Variants in PCLO observed in about 807,000 individuals in gnomAD.
PCLO encodes the protein piccolo presynaptic cytomatrix protein.
In PCLO, 82 loss-of-function variants were observed where a neutral mutation model predicts 427.5. The observed-to-expected ratio is 0.19, with a 90% confidence interval of 0.16 to 0.23. PCLO has a LOEUF of 0.23. Ranked by LOEUF, PCLO falls within the 10% of genes least tolerant of loss-of-function variation. The probability of loss-of-function intolerance (pLI) is 1.00; values close to 1 mark genes in which losing one functional copy is unlikely to be tolerated. For missense variants in PCLO, 6,239 were observed against 6,115.9 expected (o/e 1.02, Z -0.67); for synonymous variants, 2,357 against 2,155.4 (o/e 1.09, Z -2.59).
At position 82,952,791 on chromosome 7, in the gene PCLO, A is replaced by G; in HGVS notation, c.8162T>C (p.Leu2721Ser). ...EKPQYKEDGK[L>S]QLVGDVIDLR... ...ATCAATTACATCACCAACAAGTTGCAATTTTCCATCTTCTTTATACTGAGG... is the reference window on the plus strand; with the variant it reads ...ATCAATTACATCACCAACAAGTTGCGATTTTCCATCTTCTTTATACTGAGG... The change falls in exon 5 of 25, where the codon TTG becomes TCG. Residue 2721 changes from leucine (L) to serine (S), a missense_variant. Around this residue, in one of 5 missense-constraint regions of PCLO, gnomAD observed 4,677 missense variants for 4,468.4 expected, o/e 1.05. Transcript: ENST00000333891. 1.2e-6 allele frequency: 2 copies of G among 1,613,640 alleles called. No homozygotes were observed. Among genetic ancestry groups the G allele is most frequent in the South Asian group, 1.1e-5 (1 of 91,074 alleles).
chr7:82,861,771 C>T (rs1474959091), intron 10 of PCLO, among the ~76,000 whole-genome samples: 2 of 151,858 alleles, frequency 1.3e-5, no homozygotes, highest in African/African-American at 4.8e-5. Context: ...TGGAAATCAC[C>T]AAGTATTTTC....
chr7:83,135,837 T>G (rs1445780043), intron 2 of PCLO, among the ~76,000 whole-genome samples, 181 bp from the exon 3 acceptor site: 1 of 152,160 alleles, frequency 6.6e-6, no homozygotes, highest in Non-Finnish European at 1.5e-5. Context: ...TGGTGGCTCA[T>G]GCCTGTAATC....
intron 10 of PCLO, among the ~76,000 whole-genome samples, chr7:82,874,415 G>A (rs1793319027): frequency 1.3e-5 from 2 of 152,138 alleles, no homozygotes; most frequent in Admixed American, 1.3e-4. Flanking sequence ...GAGCCACTGT[G>A]ACGGGCCTGA....
chr7:82,864,792 C>T (rs746918291), intron 10 of PCLO, among the ~76,000 whole-genome samples: 48 of 151,522 alleles, frequency 3.2e-4, no homozygotes, highest in Non-Finnish European at 6.5e-4. Context: ...ACTGGAAGCC[C>T]GGAGAATGGT....
At position 82,953,590 on chromosome 7, in the gene PCLO, G is replaced by T. The variant is rs2116441172; in HGVS notation, c.7363C>A (p.Leu2455Met). The part of the protein sequence containing the change: ...VASPVTTATP[L>M]FDAVTTLETT... ...TCTAGAGTAGTAACAGCATCAAACA[G>T]AGGTGTAGCTGTAGTCACTGGAGAT... Residue 2455 changes from leucine (L) to methionine (M), a missense_variant, in exon 5 of 25, where the codon CTG (leucine) becomes ATG (methionine). By Grantham distance (15) the Leu-to-Met change is conservative. Around this residue, in one of 5 missense-constraint regions of PCLO, gnomAD observed 4,677 missense variants for 4,468.4 expected, o/e 1.05. Transcript: ENST00000333891. 1 of 1,612,608 alleles carries T rather than the reference G, an allele frequency of 6.2e-7. No individual in the cohort carries two copies. The highest frequency in any genetic ancestry group is 2.2e-5 in the East Asian group (1 of 44,788).
intron 9 of PCLO, among the ~76,000 whole-genome samples, chr7:82,887,200 G>A (rs1447556674): frequency 6.6e-6 from 1 of 152,078 alleles, no homozygotes; most frequent in African/African-American, 2.4e-5. Flanking sequence ...TGCTAAGGAG[G>A]GTTAGAAACT....
chr7:83,101,169 T>C (rs1790728320), intron 3 of PCLO, among the ~76,000 whole-genome samples: 1 of 151,854 alleles, frequency 6.6e-6, no homozygotes, highest in Non-Finnish European at 1.5e-5. Flanking sequence ...GCATTATTTC[T>C]ATACCACAAA....
At chr7:82,951,730 C>T in intron 5 of PCLO, 126 bp downstream of exon 5, 1 of 1,367,800 alleles carries the variant, frequency 7.3e-7, no homozygotes, top group East Asian at 2.4e-5. Flanking sequence ...AAATATGCTG[C>T]TATAACATCC....
chr7:83,023,400 T>A (rs966052184), intron 3 of PCLO, among the ~76,000 whole-genome samples: 2 of 152,180 alleles, frequency 1.3e-5, no homozygotes, highest in African/African-American at 4.8e-5. Flanking sequence ...ATGTTTAGAA[T>A]TCAATAATGT....
chr7:83,068,802 T>C (rs1241901332), intron 3 of PCLO, among the ~76,000 whole-genome samples: 6 of 152,264 alleles, frequency 3.9e-5, no homozygotes, highest in African/African-American at 1.4e-4. Context: ...GAAACCTGTA[T>C]TTTGAAGAGA....
chr7:83,054,962 T>A (rs1407239537), intron 3 of PCLO, among the ~76,000 whole-genome samples: 1 of 152,068 alleles, frequency 6.6e-6, no homozygotes, highest in Non-Finnish European at 1.5e-5. Flanking sequence ...ATTTTAAACA[T>A]CAGGTATCTT....
chr7:82,952,189 T>C lies in PCLO; in HGVS notation c.8764A>G (p.Lys2922Glu). The C allele has an allele frequency of 6.2e-7, 1 of 1,613,756 alleles. No homozygotes were observed. Among genetic ancestry groups the C allele is most frequent in the Middle Eastern group, 1.6e-4 (1 of 6,062 alleles). Reference sequence around the variant, plus strand: ...ACGGGTTTTTCATCTTCTATTATTTTGGTCATCACACTTGAAGTAGACTCA... The same window carrying C: ...ACGGGTTTTTCATCTTCTATTATTTCGGTCATCACACTTGAAGTAGACTCA... ...MDESTSSVMT[K>E]IIEDEKPVDL... Residue 2922 changes from lysine (K) to glutamate (E), a missense_variant, in exon 5 of 25, where the codon AAA (lysine) becomes GAA (glutamate). By Grantham distance (56) the Lys-to-Glu change is moderately conservative. Transcript: ENST00000333891.
chr7:83,155,791 T>C lies in PCLO; in HGVS notation c.850A>G (p.Lys284Glu). The C allele has an allele frequency of 3.7e-6, 6 of 1,613,944 alleles. No individual in the cohort carries two copies. The South Asian group carries it at 6.6e-5, about 18-fold the overall frequency. Residue 284 changes from lysine (K) to glutamate (E), a missense_variant, in exon 2 of 25, where the codon AAA becomes GAA. By Grantham distance (56) the Lys-to-Glu change is moderately conservative (BLOSUM62 1). Coordinates refer to ENST00000333891, the MANE Select transcript of PCLO (RefSeq NM_033026.6). ...TCTCCCCTTACTATGTCTGCCTGTT[T>C]AGTCTGAGGCCTGGATGCATCTCGT... ...LQRDASRPQT[K>E]QADIVRGESV...
chr7:82,836,393 T>TTTG (rs1246914817), intron 15 of PCLO, among the ~76,000 whole-genome samples: 2 of 152,246 alleles, frequency 1.3e-5, no homozygotes, highest in East Asian at 3.9e-4. Context: ...AAGTTATCAG[T>TTTG]TTGTTGTTGT....
chr7:83,011,407 T>C (rs984543140), intron 3 of PCLO, among the ~76,000 whole-genome samples: 2 of 152,212 alleles, frequency 1.3e-5, no homozygotes, highest in African/African-American at 2.4e-5. Context: ...TGTTGCATAT[T>C]TGTTGAACAC....
At position 82,760,750 on chromosome 7, in the gene PCLO, A is replaced by G; in HGVS notation, c.15177T>C (p.Ser5059=). 1 of 1,510,042 alleles carries G rather than the reference A, an allele frequency of 6.6e-7. No homozygotes were observed. Among genetic ancestry groups the G allele is most frequent in the South Asian group, 1.2e-5 (1 of 86,932 alleles). 93.5% of individuals were successfully genotyped at this position (1,510,042 alleles called of 1,614,324 possible). A position where few individuals can be genotyped will look rare whatever the true frequency, so the allele number is the denominator to read the frequency against. The change falls in exon 24 of 25, where the codon TCT becomes TCC. Residue 5059 remains serine (S), a synonymous_variant. Coordinates refer to ENST00000333891, the MANE Select transcript of PCLO (RefSeq NM_033026.6). ...LYVKIYVMNI[S]TQKKVIKKKT... ...TTTTCTTGATCACCTTTTTTTGGGT[A>G]GAAATATTCATCACATATATTTTCA...
chr7:83,108,980 T>C (rs1393247616), intron 3 of PCLO, among the ~76,000 whole-genome samples: 5 of 150,326 alleles, frequency 3.3e-5, no homozygotes, highest in Non-Finnish European at 5.9e-5. Flanking sequence ...AAAGCTGAAA[T>C]TGCTTTTGCA....
At chr7:83,140,214 C>T (rs536256903) in intron 2 of PCLO, among the ~76,000 whole-genome samples, 16 of 152,242 alleles carry the variant, frequency 1.1e-4, no homozygotes, top group Non-Finnish European at 1.8e-4. Flanking sequence ...GTCTGGATTG[C>T]TTGTGAAATG....
Position 82,953,447 on chromosome 7 carries a change from C to G in PCLO, c.7506G>C (p.Arg2502Ser). ...CGATTGGAGGTTTGCTTGGCTCAGG[C>G]CTGTGGGTAAATACAAGTCCAGATG... ...SIPSGLVFTH[R>S]PEPSKPPIAP... is the part of the protein sequence containing the mutation. The change falls in exon 5 of 25, where the codon AGG becomes AGC. Residue 2502 changes from arginine to serine, a missense_variant. By Grantham distance (110) the Arg-to-Ser change is moderately radical. This residue lies in a region of PCLO where 4,677 missense variants were observed against 4,468.4 expected (regional missense o/e 1.05). Transcript: ENST00000333891. 6.2e-7 allele frequency: 1 copy of G among 1,613,062 alleles called. No homozygotes were observed. Among genetic ancestry groups the G allele is most frequent in the Non-Finnish European group, 8.5e-7 (1 of 1,179,732 alleles).
Sources: gnomAD v4.1 joint callset for allele counts (sites outside exome capture counted in the v4.1 genomes callset) on GRCh38, gnomAD v4.1.1 for gene constraint, gnomAD v4.1.1 regional missense constraint, MANE v1.5 for transcripts, NCBI Gene and HGNC (gene_info 2026-07-23, HGNC 2026-07-21) for gene names.